TBL3: variants seen among roughly 807,000 people sequenced by gnomAD.
TBL3 encodes transducin beta like 3.
A neutral mutation model predicts 102.7 loss-of-function variants in TBL3; 71 were observed. That is an observed-to-expected ratio of 0.69 (90% CI 0.57 to 0.84). TBL3 has a LOEUF of 0.84. TBL3 is among the 40% of genes least tolerant of loss of function. TBL3 has a pLI of 0.00. For synonymous variants in TBL3, 578 were observed against 477.7 expected (o/e 1.21, Z -2.74); for missense variants, 1,188 against 1,098.5 (o/e 1.08, Z -1.15).
Position 1,978,068 on chromosome 16 carries a change from G to A in TBL3, c.2062+7G>A. The A allele has an allele frequency of 3.7e-6, 6 of 1,604,358 alleles. No homozygotes were observed. The highest frequency in any genetic ancestry group is 5.1e-6 in the Non-Finnish European group (6 of 1,174,724). On this transcript the variant is annotated splice_region_variant and intron_variant, in intron 19 of 21. Coordinates refer to ENST00000568546, the MANE Select transcript of TBL3 (RefSeq NM_006453.3). ...GTGCTGACTGTCATCCAGGGTCAGT[G>A]CCCACCCCGGGGGGCGAGGGGCTGG...
At position 1,975,208 on chromosome 16, in the gene TBL3, T is replaced by C; in HGVS notation, c.657T>C (p.Cys219=). ...TCAGCTCCGGCCGTGACAAGATATG[T>C]ATCATCTGGGACCTTCAGAGCTGCC... ...TMLSSGRDKI[C]IIWDLQSCQA... is the part of the protein sequence containing the mutation. Residue 219 remains cysteine, a synonymous_variant, in exon 8 of 22, where the codon TGT becomes TGC. Transcript: ENST00000568546. The C allele has an allele frequency of 6.2e-7, 1 of 1,613,832 alleles. No homozygotes were observed. Among genetic ancestry groups the C allele is most frequent in the Non-Finnish European group, 8.5e-7 (1 of 1,180,000 alleles).
intron 9 of TBL3, 29 bp downstream of exon 9, chr16:1,975,467 G>A: frequency 1.9e-6 from 3 of 1,610,516 alleles, no homozygotes; most frequent in Non-Finnish European, 2.5e-6. Context: ...TGGGCAGGCG[G>A]TAGGGGCTGG....
intron 1 of TBL3, among the ~76,000 whole-genome samples, chr16:1,972,883 G>T (rs1179163537): frequency 6.6e-6 from 1 of 152,178 alleles, no homozygotes; most frequent in Non-Finnish European, 1.5e-5. Context: ...TTCCAGAAGC[G>T]CAGTGAGCCA....
At chr16:1,976,695 G>T (rs1420461731) in intron 13 of TBL3, 119 bp from the exon 14 acceptor site, 25 of 1,271,974 alleles carry the variant, frequency 2.0e-5, no homozygotes, top group Admixed American at 4.4e-5. Context: ...AGGCCAACCC[G>T]CATCCTGGGA....
chr16:1,976,341 G>T (rs1450373518), intron 13 of TBL3, 27 bp downstream of exon 13: 1 of 1,594,544 alleles, frequency 6.3e-7, no homozygotes, highest in Non-Finnish European at 8.6e-7. Context: ...GGGCCCAGGG[G>T]TGTCAGGGAG....
chr16:1,973,726 C>T (rs1597047238), intron 1 of TBL3, among the ~76,000 whole-genome samples: 1 of 152,162 alleles, frequency 6.6e-6, no homozygotes, highest in African/African-American at 2.4e-5. Context: ...CCACCCACCG[C>T]CGGCAGGGGT....
intron 4 of TBL3, 57 bp downstream of exon 4, chr16:1,974,480 T>C (rs1354521536): frequency 1.3e-6 from 2 of 1,586,478 alleles, no homozygotes; most frequent in Non-Finnish European, 1.7e-6. Context: ...CCAGACTGAG[T>C]CCAGGAAGAT....
rs372119022 is a variant in TBL3, at chr16:1,977,227, G to A, written c.1614G>A (p.Thr538=). 2.4e-5 allele frequency: 39 copies of A among 1,612,996 alleles called. No individual in the cohort carries two copies. Among genetic ancestry groups the A allele is most frequent in the East Asian group, 8.9e-5 (4 of 44,894 alleles). Reference sequence around the variant, plus strand: ...CTCCCATGGACCAGGTGCTGGCCACGGCCTCAGCTGATGGCACCATCAAGC... The same window carrying A: ...CTCCCATGGACCAGGTGCTGGCCACAGCCTCAGCTGATGGCACCATCAAGC... ...QFSPMDQVLA[T]ASADGTIKLW... The change falls in exon 15 of 22, where the codon ACG becomes ACA. Residue 538 remains threonine (T), a synonymous_variant. Coordinates refer to ENST00000568546, the MANE Select transcript of TBL3 (RefSeq NM_006453.3).
chr16:1,978,075 C>T lies in TBL3; in HGVS notation c.2062+14C>T, dbSNP rs763709637. The T allele has an allele frequency of 6.2e-7, 1 of 1,604,512 alleles. No individual in the cohort carries two copies. Reference sequence around the variant, plus strand: ...CTGTCATCCAGGGTCAGTGCCCACCCCGGGGGGCGAGGGGCTGGGTCTTCG... The same window carrying T: ...CTGTCATCCAGGGTCAGTGCCCACCTCGGGGGGCGAGGGGCTGGGTCTTCG... On this transcript the variant is annotated intron_variant, in intron 19 of 21. Coordinates refer to ENST00000568546, the MANE Select transcript of TBL3 (RefSeq NM_006453.3).
At position 1,975,551 on chromosome 16, in the gene TBL3, A is replaced by G. The variant is rs778984185; in HGVS notation, c.828A>G (p.Ala276=). ...GDQGTLRVWE[A]ASGQCVYTQA... ...CAGGCACTCTGCGCGTGTGGGAGGCAGCTTCTGGGCAGTGTGTGTACACGC... is the reference window on the plus strand; with the variant it reads ...CAGGCACTCTGCGCGTGTGGGAGGCGGCTTCTGGGCAGTGTGTGTACACGC... The change falls in exon 10 of 22, where the codon GCA becomes GCG. Residue 276 remains alanine, a synonymous_variant. Coordinates refer to ENST00000568546, the MANE Select transcript of TBL3 (RefSeq NM_006453.3). 11 of 1,596,962 alleles carry G rather than the reference A, an allele frequency of 6.9e-6. No homozygotes were observed. The highest frequency in any genetic ancestry group is 6.7e-5 in the Admixed American group (4 of 59,824).
rs374882736 is a variant in TBL3, at chr16:1,975,696, C to A, written c.973C>A (p.Arg325=). The change falls in exon 10 of 22, where the codon CGG becomes AGG. Residue 325 remains arginine (R), a synonymous_variant. Coordinates refer to ENST00000568546, the MANE Select transcript of TBL3 (RefSeq NM_006453.3). ...GTTGCTCTACGAGGCTCGCTCCCTG[C>A]GGCTGCAGAAACAGGTGCACACCTG... ...NLLLYEARSL[R]LQKQFAGYSE... The A allele has an allele frequency of 1.2e-6, 2 of 1,611,318 alleles. No homozygotes were observed. The highest frequency in any genetic ancestry group is 1.7e-6 in the Non-Finnish European group (2 of 1,179,492).
At position 1,982,874 on chromosome 16, in the gene TBL3, C is replaced by T. The variant is rs2238412; in HGVS notation, c.*4189C>T. The T allele has an allele frequency of 0.22, 33,717 of 151,280 alleles. 6,297 individuals carry two copies. The highest frequency in any genetic ancestry group is 0.51 in the African/African-American group (20,777 of 41,058). The allele number at this position is 151,280 out of a possible 1,614,324, so 9.4% of individuals were successfully genotyped here. A position where few individuals can be genotyped will look rare whatever the true frequency, so the allele number is the denominator to read the frequency against. On this transcript the variant is annotated 3_prime_UTR_variant, in exon 22 of 22. Coordinates refer to ENST00000568546, the MANE Select transcript of TBL3 (RefSeq NM_006453.3). ...GTCGCGGCTGCAGTGAACAAGATCG[C>T]GCCACTGCACTCCACCCTGGGTAAC...
rs999780646 is a variant in TBL3, at chr16:1,973,985, C to A, written c.42-71C>A. The stretch of plus-strand genomic sequence containing the variant: ...CATTGGGGTCACTTGGAGAGGAGCA[C>A]CTAGCACAGGGCGGGGCCCTGGGGA... On this transcript the variant is annotated intron_variant, in intron 1 of 21. Coordinates refer to ENST00000568546, the MANE Select transcript of TBL3 (RefSeq NM_006453.3). 4 of 1,454,938 alleles carry A rather than the reference C, an allele frequency of 2.7e-6. No individual in the cohort carries two copies. In the South Asian group the frequency reaches 5.7e-5, roughly 21 times the overall value. 90.1% of individuals were successfully genotyped at this position (1,454,938 alleles called of 1,614,324 possible).
Position 1,981,984 on chromosome 16 carries a change from A to G in TBL3, c.*3299A>G, listed in dbSNP as rs1219445036. 6.6e-6 allele frequency: 1 copy of G among 151,968 alleles called. No homozygotes were observed. The highest frequency in any genetic ancestry group is 1.5e-5 in the Non-Finnish European group (1 of 67,998). The allele number at this position is 151,968 out of a possible 1,614,324, so 9.4% of individuals were successfully genotyped here. On this transcript the variant is annotated 3_prime_UTR_variant, in exon 22 of 22. Transcript: ENST00000568546. ...TTTGAGAACCACCTCTCAATTCACGATTTGCCATGACTTACTGCAAACATG... is the reference window on the plus strand; with the variant it reads ...TTTGAGAACCACCTCTCAATTCACGGTTTGCCATGACTTACTGCAAACATG...
Position 1,981,827 on chromosome 16 carries a change from GA to G in TBL3, c.*3143del, listed in dbSNP as rs1402110103. 1 of 152,672 alleles carries G rather than the reference GA, an allele frequency of 6.5e-6. No individual in the cohort carries two copies. Among genetic ancestry groups the G allele is most frequent in the Non-Finnish European group, 1.5e-5 (1 of 68,402 alleles). 9.5% of individuals were successfully genotyped at this position (152,672 alleles called of 1,614,324 possible). ...TTCTATACATGCTGGGGGAGGGGCAGACCTCACAGGCTCACCCCAGGGGTTC... is the reference window on the plus strand; with the variant it reads ...TTCTATACATGCTGGGGGAGGGGCAGCCTCACAGGCTCACCCCAGGGGTTC... On this transcript the variant is annotated 3_prime_UTR_variant, in exon 22 of 22. Coordinates refer to ENST00000568546, the MANE Select transcript of TBL3 (RefSeq NM_006453.3).
rs749378489 is a variant in TBL3 at position 1,979,531 on chromosome 16, A to T, written c.*846A>T. On this transcript the variant is annotated 3_prime_UTR_variant, in exon 22 of 22. Coordinates refer to ENST00000568546, the MANE Select transcript of TBL3 (RefSeq NM_006453.3). ...CTGCTCTCGTAGGCGCGGGAAGCAC[A>T]GAACTGGGGACCTGGTGGGAGTGGG... is the stretch of plus-strand genomic sequence containing the variant. The T allele has an allele frequency of 1.2e-6, 2 of 1,610,080 alleles. No individual in the cohort carries two copies. The highest frequency in any genetic ancestry group is 1.7e-5 in the Admixed American group (1 of 59,812).
rs1302435362 is a variant in TBL3 at position 1,979,114 on chromosome 16, G to T, written c.*429G>T. On this transcript the variant is annotated 3_prime_UTR_variant, in exon 22 of 22. Coordinates refer to ENST00000568546, the MANE Select transcript of TBL3 (RefSeq NM_006453.3). ...CACCCTCGAGGGCGGCCCTGGCGCC[G>T]TGGGCGCCGCTCCAGGGCCCTGCGT... 1.3e-6 allele frequency: 2 copies of T among 1,490,418 alleles called. No individual in the cohort carries two copies. Among genetic ancestry groups the T allele is most frequent in the East Asian group, 2.6e-5 (1 of 38,186 alleles). The allele number at this position is 1,490,418 out of a possible 1,614,324, so 92.3% of individuals were successfully genotyped here.
intron 1 of TBL3, among the ~76,000 whole-genome samples, chr16:1,973,684 G>A (rs1234230171): frequency 6.6e-6 from 1 of 152,160 alleles, no homozygotes; most frequent in African/African-American, 2.4e-5. Flanking sequence ...GACACTGGGA[G>A]GATGTGCTCT....
intron 13 of TBL3, 69 bp downstream of exon 13, chr16:1,976,383 G>T: frequency 7.3e-7 from 1 of 1,367,746 alleles, no homozygotes; most frequent in Non-Finnish European, 1.0e-6. Context: ...CAGGGCTGCC[G>T]CTCAGGGAGC....
Sources: gnomAD v4.1 joint callset for allele counts (sites outside exome capture counted in the v4.1 genomes callset) on GRCh38, gnomAD v4.1.1 for gene constraint, MANE v1.5 for transcripts, NCBI Gene and HGNC (gene_info 2026-07-23, HGNC 2026-07-21) for gene names.